The following RIOX2 variants were observed in gnomAD, a reference collection of about 807,000 sequenced individuals.
RIOX2 encodes the protein 60S ribosomal protein L27a histidine hydroxylase.
A neutral mutation model predicts 51.2 loss-of-function variants in RIOX2; 43 were observed. The observed-to-expected ratio is 0.84, with a 90% CI of 0.66 to 1.08. The LOEUF (loss-of-function observed/expected upper bound fraction) is 1.08. RIOX2 is among the 50% of genes least tolerant of loss of function. The pLI is 0.00. For missense variants in RIOX2, 566 were observed against 561.7 expected (o/e 1.01, Z -0.08); for synonymous variants, 226 against 218.5 (o/e 1.03, Z -0.30).
At chr3:97,968,339 G>A (rs555354502) in intron 1 of RIOX2, among the ~76,000 whole-genome samples, 1 of 152,262 alleles carries the variant, frequency 6.6e-6, no homozygotes, top group East Asian at 1.9e-4. Context: ...AAGGCTAAAA[G>A]TAGTTATATC....
At chr3:97,966,717 C>T (rs923554305) in intron 2 of RIOX2, among the ~76,000 whole-genome samples, 2 of 152,140 alleles carry the variant, frequency 1.3e-5, no homozygotes, top group African/African-American at 2.4e-5. Context: ...GCTCTGAAGC[C>T]TCCATTTAGA....
chr3:97,965,210 TAA>T (rs10644219), intron 2 of RIOX2, among the ~76,000 whole-genome samples: 8 of 114,890 alleles, frequency 7.0e-5, no homozygotes, highest in Admixed American at 1.9e-4. Flanking sequence ...ACAAAGAGAT[TAA>T]AAAAAAAAAA....
chr3:97,962,747 C>T (rs114233758), intron 2 of RIOX2, among the ~76,000 whole-genome samples: 51 of 152,254 alleles, frequency 3.3e-4, no homozygotes, highest in South Asian at 1.2e-3. Flanking sequence ...ATTATGCAAC[C>T]CTCACAATAA....
intron 7 of RIOX2, 142 bp from the exon 8 acceptor site, chr3:97,947,591 T>C: frequency 1.5e-6 from 1 of 649,420 alleles, no homozygotes; most frequent in Non-Finnish European, 2.8e-6. Flanking sequence ...AACTGAAGAA[T>C]TTGCTTACCC....
intron 1 of RIOX2, among the ~76,000 whole-genome samples, chr3:97,969,628 A>G (rs1706044115): frequency 6.6e-6 from 1 of 152,224 alleles, no homozygotes. Context: ...AAACGTTGGT[A>G]TGTGCCAGGC....
rs1316218751 is a variant in RIOX2, at chr3:97,942,153, AT to A, written c.*3030del. The A allele has an allele frequency of 1.5e-6, 1 of 668,494 alleles. No homozygotes were observed. The highest frequency in any genetic ancestry group is 2.3e-6 in the Non-Finnish European group (1 of 427,832). The allele number at this position is 668,494 out of a possible 1,614,324, so 41.4% of individuals were successfully genotyped here. A position where few individuals can be genotyped will look rare whatever the true frequency, so the allele number is the denominator to read the frequency against. ...AAAAGGCTTACTGAAATTATACTAT[AT>A]AGTATTTTTTTAGATAAGACACACA... On this transcript the variant is annotated 3_prime_UTR_variant, in exon 10 of 10. Coordinates refer to ENST00000394198, the MANE Select transcript of RIOX2 (RefSeq NM_153182.4).
intron 5 of RIOX2, 108 bp from the exon 6 acceptor site, chr3:97,950,996 G>A: frequency 1.3e-6 from 1 of 751,638 alleles, no homozygotes. Flanking sequence ...TTGGATTATG[G>A]CTTCCCTGTC....
intron 4 of RIOX2, among the ~76,000 whole-genome samples, chr3:97,956,506 T>C (rs995884122): frequency 6.6e-6 from 1 of 152,196 alleles, no homozygotes; most frequent in Non-Finnish European, 1.5e-5. Flanking sequence ...AGATTTTTTT[T>C]TTTTTTTGAG....
rs199839981 is a variant in RIOX2, at chr3:97,967,528, C to T, written c.66G>A (p.Met22Ile). 7.9e-5 allele frequency: 128 copies of T among 1,612,094 alleles called. No individual in the cohort carries two copies. The highest frequency in any genetic ancestry group is 1.0e-4 in the Non-Finnish European group (120 of 1,178,124). Residue 22 changes from methionine to isoleucine, a missense_variant, in exon 2 of 10, where the codon ATG (methionine) becomes ATA (isoleucine). Coordinates refer to ENST00000394198, the MANE Select transcript of RIOX2 (RefSeq NM_153182.4). ...KEEGPAPCKQ[M>I]KLEAAGGPSA... ...AAGGCCCCCCAGCTGCTTCTAACTT[C>T]ATCTGCTTACAGGGAGCCGGCCCCT... is the stretch of plus-strand genomic sequence containing the variant.
At chr3:97,966,646 G>A (rs1213288958) in intron 2 of RIOX2, among the ~76,000 whole-genome samples, 1 of 152,146 alleles carries the variant, frequency 6.6e-6, no homozygotes, top group South Asian at 2.1e-4. Context: ...TCACCCATTC[G>A]GGTGTTATTA....
chr3:97,959,854 C>T (rs1226033865), intron 3 of RIOX2, among the ~76,000 whole-genome samples: 2 of 152,186 alleles, frequency 1.3e-5, no homozygotes, highest in African/African-American at 4.8e-5. Flanking sequence ...CTTACCTATA[C>T]AAATACTTCT....
chr3:97,952,259 A>G, intron 5 of RIOX2: 1 of 1,287,780 alleles, frequency 7.8e-7, no homozygotes, highest in Non-Finnish European at 1.0e-6. Context: ...ATCACTGTCC[A>G]AGACACAGGT....
At chr3:97,946,586 GTATATA>G (rs4061087) in intron 8 of RIOX2, among the ~76,000 whole-genome samples, 2 of 127,634 alleles carry the variant, frequency 1.6e-5, no homozygotes, top group African/African-American at 3.3e-5. Flanking sequence ...TTTTGAGGAT[GTATATA>G]TATATATATA....
At chr3:97,953,420 G>A (rs558077990) in intron 5 of RIOX2, among the ~76,000 whole-genome samples, 15 of 150,524 alleles carry the variant, frequency 1.0e-4, no homozygotes, top group East Asian at 9.8e-4. Context: ...TCGCTCTGTC[G>A]CCCAGGCTGG....
In RIOX2 at chr3:97,943,026, T is replaced by G; in HGVS notation, c.*2158A>C. The G allele has an allele frequency of 1.8e-6, 1 of 545,726 alleles. No homozygotes were observed. The highest frequency in any genetic ancestry group is 3.2e-6 in the Non-Finnish European group (1 of 311,104). The allele number at this position is 545,726 out of a possible 1,614,324, so 33.8% of individuals were successfully genotyped here. A position where few individuals can be genotyped will look rare whatever the true frequency, so the allele number is the denominator to read the frequency against. On this transcript the variant is annotated 3_prime_UTR_variant, in exon 10 of 10. Transcript: ENST00000394198. The stretch of plus-strand genomic sequence containing the variant: ...ATCATGTATTATACCTTTTAGTATT[T>G]CAATTTGAGTCATAATAAGGTCCAA...
chr3:97,966,731 A>C (rs1705905044), intron 2 of RIOX2, among the ~76,000 whole-genome samples: 2 of 152,230 alleles, frequency 1.3e-5, no homozygotes, highest in Admixed American at 1.3e-4. Flanking sequence ...ATTTAGATGC[A>C]GGCAGTAAAG....
chr3:97,962,214 T>C (rs889849548), intron 2 of RIOX2, among the ~76,000 whole-genome samples: 3 of 151,712 alleles, frequency 2.0e-5, no homozygotes, highest in Admixed American at 2.0e-4. Flanking sequence ...GGAGCGGAGT[T>C]AAAAAAAATA....
chr3:97,961,735 G>A, intron 2 of RIOX2, 27 bp from the exon 3 acceptor site: 1 of 1,570,962 alleles, frequency 6.4e-7, no homozygotes, highest in Non-Finnish European at 8.6e-7. Context: ...AAAAGAAAGG[G>A]TCGGCGTGGG....
At chr3:97,950,696 G>T in intron 6 of RIOX2, 90 bp downstream of exon 6, 1 of 993,530 alleles carries the variant, frequency 1.0e-6, no homozygotes. Context: ...GCTCATGTTG[G>T]AAGAAGTATC....
Sources: allele counts gnomAD v4.1 joint callset (sites outside exome capture counted in the v4.1 genomes callset), GRCh38; gene constraint gnomAD v4.1.1; transcripts MANE v1.5; gene names NCBI Gene and HGNC (gene_info 2026-07-23, HGNC 2026-07-21).